Variants in ARIH2 observed in about 807,000 individuals in gnomAD.
The protein encoded by ARIH2 is ariadne RBR E3 ubiquitin protein ligase 2, also known as E3 ubiquitin-protein ligase ARIH2.
Under a neutral mutation model 79.8 loss-of-function variants are expected in ARIH2, and 12 were observed. The ratio of observed to expected loss-of-function variants is 0.15; its 90% CI spans 0.10 to 0.24. The LOEUF (loss-of-function observed/expected upper bound fraction) is 0.24. Ranked by LOEUF, ARIH2 falls within the 10% of genes least tolerant of loss-of-function variation. The probability of loss-of-function intolerance (pLI) is 1.00; values close to 1 mark genes in which losing one functional copy is unlikely to be tolerated. For missense variants in ARIH2, 301 were observed against 618.3 expected, an observed-to-expected ratio of 0.49 and a Z score of 5.44; for synonymous variants, 224 against 213.9, an observed-to-expected ratio of 1.05 and a Z score of -0.41.
chr3:48,927,957 T>G (rs974644241), intron 3 of ARIH2, 144 bp downstream of exon 3: 5 of 983,608 alleles, frequency 5.1e-6, no homozygotes, highest in Non-Finnish European at 7.4e-6. Flanking sequence ...CATTTGGACA[T>G]TTTGTTACAT....
rs752831036 is a variant in ARIH2 at position 48,961,731 on chromosome 3, T to C, written c.323+52T>C. ...ACATTGCCCATAGCTCCCCTCTCCGTGGTGATTATTGTTTACATTTTGGAC... is the reference window on the plus strand; with the variant it reads ...ACATTGCCCATAGCTCCCCTCTCCGCGGTGATTATTGTTTACATTTTGGAC... On this transcript the variant is annotated intron_variant, in intron 4 of 15. Coordinates refer to ENST00000356401, the MANE Select transcript of ARIH2 (RefSeq NM_006321.4). 3 of 1,182,028 alleles carry C rather than the reference T, an allele frequency of 2.5e-6. No individual in the cohort carries two copies. In the Admixed American group the frequency reaches 5.2e-5, roughly 21 times the overall value. 73.2% of individuals were successfully genotyped at this position (1,182,028 alleles called of 1,614,324 possible). A position where few individuals can be genotyped will look rare whatever the true frequency, so the allele number is the denominator to read the frequency against.
intron 12 of ARIH2, chr3:48,980,023 G>T (rs2092695109): frequency 8.2e-6 from 2 of 243,088 alleles, no homozygotes; most frequent in African/African-American, 2.3e-5. Flanking sequence ...TTGGAAGGCA[G>T]TTTCTCCCAG....
At chr3:48,931,318 G>T (rs1253506153) in intron 3 of ARIH2, among the ~76,000 whole-genome samples, 2 of 152,132 alleles carry the variant, frequency 1.3e-5, no homozygotes, top group Non-Finnish European at 2.9e-5. Flanking sequence ...GGCCGAGGCG[G>T]GTGGATCACG....
At position 48,918,850 on chromosome 3, in the gene ARIH2, G is replaced by A; in HGVS notation, c.-310G>A. ...CGGCGCCAAGCACTTCCGGAGCTGT[G>A]GGGACGACTCTTCTGGAGGAAGCAG... On this transcript the variant is annotated 5_prime_UTR_variant, in exon 1 of 16. Transcript: ENST00000356401. 6.2e-7 allele frequency: 1 copy of A among 1,611,212 alleles called. No individual in the cohort carries two copies. The highest frequency in any genetic ancestry group is 8.5e-7 in the Non-Finnish European group (1 of 1,179,676).
chr3:48,976,463 G>A (rs550807946), intron 11 of ARIH2, among the ~76,000 whole-genome samples: 3 of 151,826 alleles, frequency 2.0e-5, no homozygotes, highest in African/African-American at 4.8e-5. Context: ...CGCCTGCCTC[G>A]ACCTCCCAAA....
At chr3:48,939,301 G>A (rs1290228261) in intron 3 of ARIH2, among the ~76,000 whole-genome samples, 1 of 151,914 alleles carries the variant, frequency 6.6e-6, no homozygotes, top group African/African-American at 2.4e-5. Context: ...CAGAGAAATA[G>A]GACCCTTAGA....
At chr3:48,934,053 A>G (rs2086778483) in intron 3 of ARIH2, among the ~76,000 whole-genome samples, 2 of 152,202 alleles carry the variant, frequency 1.3e-5, no homozygotes, top group Non-Finnish European at 2.9e-5. Flanking sequence ...CTCTTTAGCA[A>G]AATGTGACTG....
chr3:48,962,989 C>G (rs1351403894), intron 4 of ARIH2, among the ~76,000 whole-genome samples: 3 of 152,196 alleles, frequency 2.0e-5, no homozygotes, highest in South Asian at 2.1e-4. Flanking sequence ...CTGCCTCAGC[C>G]TATGAAGTAG....
rs1559685245 is a variant in ARIH2 at position 48,918,849 on chromosome 3, TGGGGACGA to T, written c.-310_-303del. ...ACGGCGCCAAGCACTTCCGGAGCTG[TGGGGACGA>T]CTCTTCTGGAGGAAGCAGCGCGGGC... On this transcript the variant is annotated 5_prime_UTR_variant, in exon 1 of 16. Transcript: ENST00000356401. 6.2e-7 allele frequency: 1 copy of T among 1,611,228 alleles called. No individual in the cohort carries two copies. Among genetic ancestry groups the T allele is most frequent in the South Asian group, 1.1e-5 (1 of 91,006 alleles).
chr3:48,941,849 C>T (rs1449271016), intron 3 of ARIH2, among the ~76,000 whole-genome samples: 2 of 151,030 alleles, frequency 1.3e-5, no homozygotes, highest in Non-Finnish European at 2.9e-5. Flanking sequence ...TCCCAAAGTG[C>T]TGAGATTACA....
At chr3:48,959,649 C>CAAAAAAAAAAAAAAAA (rs71077758) in intron 3 of ARIH2, among the ~76,000 whole-genome samples, 181 of 50,066 alleles carry the variant, frequency 3.6e-3, no homozygotes, top group Middle Eastern at 0.013. Flanking sequence ...TAAAAAATAC[C>CAAAAAAAAAAAAAAAA]AAAAAAAAAA....
At chr3:48,973,923 C>T (rs2092376238) in intron 9 of ARIH2, 107 bp downstream of exon 9, 1 of 822,800 alleles carries the variant, frequency 1.2e-6, no homozygotes, top group African/African-American at 1.7e-5. Flanking sequence ...GCCCCAGGAC[C>T]CTTCCTGAGG....
intron 3 of ARIH2, among the ~76,000 whole-genome samples, chr3:48,951,687 A>T (rs1033832740): frequency 6.6e-6 from 1 of 151,650 alleles, no homozygotes; most frequent in Non-Finnish European, 1.5e-5. Context: ...ATTTCATTTA[A>T]GATGTCAATT....
At chr3:48,981,534 C>G in intron 13 of ARIH2, 126 bp from the exon 14 acceptor site, 1 of 621,688 alleles carries the variant, frequency 1.6e-6, no homozygotes, top group South Asian at 2.2e-5. Context: ...AGTATCATTT[C>G]TTTCAGGCCT....
chr3:48,965,284 C>T (rs994747924), intron 5 of ARIH2, among the ~76,000 whole-genome samples: 10 of 151,964 alleles, frequency 6.6e-5, no homozygotes, highest in Admixed American at 2.0e-4. Flanking sequence ...GGCGTGAACC[C>T]GGGAGGCGGA....
intron 12 of ARIH2, 88 bp from the exon 13 acceptor site, chr3:48,980,265 C>T: frequency 7.1e-7 from 1 of 1,401,350 alleles, no homozygotes; most frequent in Non-Finnish European, 9.8e-7. Context: ...CCATGTCCTG[C>T]CAGCAAGGTG....
intron 11 of ARIH2, among the ~76,000 whole-genome samples, chr3:48,976,632 T>C (rs1050820320): frequency 6.6e-6 from 1 of 152,214 alleles, no homozygotes; most frequent in East Asian, 1.9e-4. Flanking sequence ...CCACATTCTT[T>C]CGCTCTCTTT....
Position 48,983,277 on chromosome 3 carries a change from A to G in ARIH2, c.*7A>G. ...AGATTTCCATGACACCTAAGTTGGG[A>G]TGTGGATGTGCCGGGGTGAGGAAGA... is the stretch of plus-strand genomic sequence containing the variant. On this transcript the variant is annotated 3_prime_UTR_variant, in exon 16 of 16. Coordinates refer to ENST00000356401, the MANE Select transcript of ARIH2 (RefSeq NM_006321.4). The G allele has an allele frequency of 6.2e-7, 1 of 1,614,048 alleles. No individual in the cohort carries two copies.
chr3:48,947,435 C>CTA lies in ARIH2; in HGVS notation c.256-14176_256-14175insAT, dbSNP rs2089332451. ...CAGCCTGGGCAACAAAAGCAAAACT[C>CTA]TGTCTCAAAAAAAAAAAAAAAAGGA... On this transcript the variant is annotated intron_variant, in intron 3 of 15. Coordinates refer to ENST00000356401, the MANE Select transcript of ARIH2 (RefSeq NM_006321.4). 3.1e-5 allele frequency among the ~76,000 whole-genome samples: 3 copies of CTA among 96,702 alleles called. No individual in the cohort carries two copies. In the Admixed American group the frequency reaches 4.3e-4, roughly 14 times the overall value. 63.4% of individuals were successfully genotyped at this position (96,702 alleles called of 152,430 possible).
Sources: gnomAD v4.1 joint callset for allele counts (sites outside exome capture counted in the v4.1 genomes callset) on GRCh38, gnomAD v4.1.1 for gene constraint, MANE v1.5 for transcripts, NCBI Gene and HGNC (gene_info 2026-07-23, HGNC 2026-07-21) for gene names.